ATRX: variants seen among roughly 807,000 people sequenced by gnomAD.
ATRX encodes the protein chromatin remodeler ATRX.
In ATRX, 12 loss-of-function variants were observed where a neutral mutation model predicts 172.6. The observed-to-expected ratio is 0.07, with a 90% CI of 0.04 to 0.11. The LOEUF (loss-of-function observed/expected upper bound fraction) is 0.11, where lower values mean the gene tolerates loss of function less well. ATRX is among the 10% of genes least tolerant of loss of function. The probability of loss-of-function intolerance (pLI) is 1.00; values close to 1 mark genes in which losing one functional copy is unlikely to be tolerated. For missense variants in ATRX, 1,368 were observed against 1,767.4 expected (o/e 0.77, Z 4.05); for synonymous variants, 674 against 594.7 (o/e 1.13, Z -1.94).
At chrX:77,755,841 C>T (rs1353610078) in intron 1 of ATRX, among the ~76,000 whole-genome samples, 1 of 112,020 alleles carries the variant, frequency 8.9e-6, no homozygotes, top group African/African-American at 3.2e-5. Flanking sequence ...CAGTCTGTCC[C>T]CTAGCAGAGC....
At chrX:77,766,958 C>T (rs2075977602) in intron 1 of ATRX, among the ~76,000 whole-genome samples, 2 of 112,738 alleles carry the variant, frequency 1.8e-5, no homozygotes, top group South Asian at 7.1e-4. Flanking sequence ...GAGACTCCGT[C>T]TGCAATCCCG....
intron 12 of ATRX, among the ~76,000 whole-genome samples, chrX:77,662,678 T>C (rs1557123409): frequency 2.7e-5 from 3 of 111,429 alleles, no homozygotes; most frequent in African/African-American, 9.8e-5. Context: ...TTTGAGCAGA[T>C]ATGCTTAAAT....
At chrX:77,762,393 C>A (rs1247618294) in intron 1 of ATRX, among the ~76,000 whole-genome samples, 1 of 109,111 alleles carries the variant, frequency 9.2e-6, no homozygotes, top group Non-Finnish European at 1.9e-5. Flanking sequence ...AAGCAAAACC[C>A]TCATTCATTC....
intron 30 of ATRX, among the ~76,000 whole-genome samples, chrX:77,539,423 A>G (rs1421948662): frequency 2.7e-5 from 3 of 111,220 alleles, no homozygotes; most frequent in African/African-American, 9.8e-5. Context: ...AAATCTAATC[A>G]AGCCTTTACA....
intron 1 of ATRX, among the ~76,000 whole-genome samples, chrX:77,731,046 G>C (rs1356169746): frequency 2.0e-5 from 2 of 100,332 alleles, no homozygotes; most frequent in Non-Finnish European, 4.0e-5. Flanking sequence ...GTTGGTTTTT[G>C]TAAAAGTTAA....
chrX:77,520,459 A>G lies in ATRX; in HGVS notation c.7200+329T>C, dbSNP rs1429580599. ...ACCTATTATATACTCACAAAAATTA[A>G]AAGTTAAATAAAATACAATTGGCAA... On this transcript the variant is annotated intron_variant, in intron 34 of 34. Transcript: ENST00000373344. Among the ~76,000 whole-genome samples the G allele has an allele frequency of 4.5e-5, 5 of 111,576 alleles. No homozygotes were observed. In the Admixed American group the frequency reaches 4.8e-4, roughly 11 times the overall value.
chrX:77,540,239 A>G (rs1232366724), intron 30 of ATRX, among the ~76,000 whole-genome samples: 1 of 111,955 alleles, frequency 8.9e-6, no homozygotes, highest in Non-Finnish European at 1.9e-5. Flanking sequence ...CATAATGGTA[A>G]AAGGATCAAT....
chrX:77,517,997 C>T (rs782489922), intron 34 of ATRX, among the ~76,000 whole-genome samples: 1 of 111,577 alleles, frequency 9.0e-6, no homozygotes, highest in African/African-American at 3.3e-5. Context: ...CCTCAAAATA[C>T]GGTTATAGAA....
intron 1 of ATRX, among the ~76,000 whole-genome samples, chrX:77,736,601 C>G (rs192699383): frequency 8.9e-6 from 1 of 112,500 alleles, no homozygotes; most frequent in East Asian, 2.8e-4. Flanking sequence ...AAAGAAAATC[C>G]TCATACACAG....
rs782707997 is a variant in ATRX, at chrX:77,688,921, C to A, written c.491G>T (p.Gly164Val). ...AGTGCAGCTCACAATCCCATGAAGC[C>A]CATCTTCTAGGAGAAAGGAGTGGCT... ...TENLKKRGED[G>V]LHGIVSCTAC... Residue 164 changes from glycine to valine, a missense_variant, in exon 7 of 35, where the codon GGG becomes GTG. Transcript: ENST00000373344. 1 of 1,196,680 alleles carries A rather than the reference C, an allele frequency of 8.4e-7. No homozygotes were observed. The highest frequency in any genetic ancestry group is 1.8e-5 in the South Asian group (1 of 56,569).
rs782568801 is a variant in ATRX at position 77,684,231 on chromosome X, G to C, written c.1025C>G (p.Ser342Cys). The change falls in exon 9 of 35, where the codon TCT becomes TGT. Residue 342 changes from serine (S) to cysteine (C), a missense_variant. This residue lies in a region of ATRX where 843 missense variants were observed against 643.1 expected (regional missense o/e 1.31). Transcript: ENST00000373344. ...DDSCSGSVTY[S>C]YSALIVPKEM... is the part of the protein sequence containing the mutation. The stretch of plus-strand genomic sequence containing the variant: ...TTTGGGCACAATTAGTGCGGAATAA[G>C]AGTAGGTTACAGAGCCAGAACAGGA... The C allele has an allele frequency of 2.5e-6, 3 of 1,211,341 alleles. No homozygotes were observed. The highest frequency in any genetic ancestry group is 3.4e-6 in the Non-Finnish European group (3 of 895,255).
chrX:77,691,172 T>C (rs1557146853), intron 6 of ATRX: 1 of 111,986 alleles, frequency 8.9e-6, no homozygotes, highest in Non-Finnish European at 1.9e-5. Context: ...ATAAAAAACA[T>C]AGAAAAACAT....
rs938179654 is a variant in ATRX at position 77,786,216 on chromosome X, G to A, written c.-215C>T. ...TGCCGCCGCCATTTTGTTGGGCCGA[G>A]GCTCAGGCAGGAGAATTGGCGCGTC... On this transcript the variant is annotated 5_prime_UTR_variant, in exon 1 of 35. Transcript: ENST00000373344. The A allele has an allele frequency of 1.4e-5, 6 of 417,817 alleles. No homozygotes were observed. The highest frequency in any genetic ancestry group is 2.1e-5 in the Non-Finnish European group (5 of 241,823). 34.4% of individuals were successfully genotyped at this position (417,817 alleles called of 1,213,427 possible).
chrX:77,616,324 C>A, intron 22 of ATRX: 10 of 912,030 alleles, frequency 1.1e-5, no homozygotes, highest in Non-Finnish European at 1.4e-5. Context: ...TGTATATCTT[C>A]TTTTATGGAT....
At position 77,683,044 on chromosome X, in the gene ATRX, G is replaced by C. The variant is rs782470087; in HGVS notation, c.2212C>G (p.Leu738Val). 1.1e-4 allele frequency: 133 copies of C among 1,208,386 alleles called. No individual in the cohort carries two copies. The highest frequency in any genetic ancestry group is 1.5e-4 in the Non-Finnish European group (132 of 894,439). Residue 738 changes from leucine to valine, a missense_variant, in exon 9 of 35, where the codon CTC (leucine) becomes GTC (valine). This residue lies in a region of ATRX where 843 missense variants were observed against 643.1 expected (regional missense o/e 1.31). Coordinates refer to ENST00000373344, the MANE Select transcript of ATRX (RefSeq NM_000489.6). ...NSDSDEMLAILKEVSRMSHSS... is the reference protein window; with the variant it reads ...NSDSDEMLAIVKEVSRMSHSS... ...TGACTCATCCTGCTCACCTCTTTGA[G>C]GATTGCTAGCATTTCATCAGAATCT...
chrX:77,615,819 T>G (rs1202133823), intron 22 of ATRX: 1 of 228,775 alleles, frequency 4.4e-6, no homozygotes. Flanking sequence ...TCCATCCTCC[T>G]TTTTTTTTTG....
intron 1 of ATRX, among the ~76,000 whole-genome samples, chrX:77,777,693 A>AT (rs1172346521): frequency 1.8e-5 from 2 of 111,710 alleles, no homozygotes; most frequent in Admixed American, 1.9e-4. Flanking sequence ...CTCAGAAATA[A>AT]TTTTTTATCT....
At chrX:77,564,520 G>A (rs1366659237) in intron 28 of ATRX, among the ~76,000 whole-genome samples, 1 of 110,303 alleles carries the variant, frequency 9.1e-6, no homozygotes, top group African/African-American at 3.3e-5. Context: ...CAAGTAGCTG[G>A]GACTCCAGAA....
Position 77,508,277 on chromosome X carries a change from T to C in ATRX, c.*74A>G. The C allele has an allele frequency of 4.4e-6, 5 of 1,138,259 alleles. No homozygotes were observed. Among genetic ancestry groups the C allele is most frequent in the Non-Finnish European group, 6.0e-6 (5 of 831,748 alleles). The allele number at this position is 1,138,259 out of a possible 1,213,427, so 93.8% of individuals were successfully genotyped here. A position where few individuals can be genotyped will look rare whatever the true frequency, so the allele number is the denominator to read the frequency against. On this transcript the variant is annotated 3_prime_UTR_variant, in exon 35 of 35. Transcript: ENST00000373344. Reference sequence around the variant, plus strand: ...AAACTATTTATACAGTTGAGTTCTGTTAAGTCATTGATTCCTAAAAAAATA... The same window carrying C: ...AAACTATTTATACAGTTGAGTTCTGCTAAGTCATTGATTCCTAAAAAAATA...
Sources: gnomAD v4.1 joint callset for allele counts (sites outside exome capture counted in the v4.1 genomes callset) on GRCh38, gnomAD v4.1.1 for gene constraint, gnomAD v4.1.1 regional missense constraint, MANE v1.5 for transcripts, NCBI Gene and HGNC (gene_info 2026-07-23, HGNC 2026-07-21) for gene names.